Variants in WDR35 observed in about 807,000 individuals in gnomAD.
WDR35 encodes the protein WD repeat-containing protein 35.
A neutral mutation model predicts 158.3 loss-of-function variants in WDR35; 118 were observed. The observed-to-expected ratio is 0.75, with a 90% CI of 0.64 to 0.87. WDR35 has a LOEUF of 0.87. WDR35 is among the 40% of genes least tolerant of loss of function. The pLI is 0.00. For missense variants in WDR35, 1,263 were observed against 1,405.8 expected (o/e 0.90, Z 1.62); for synonymous variants, 448 against 476.1 (o/e 0.94, Z 0.77).
chr2:19,963,317 T>A (rs893421385), intron 10 of WDR35, among the ~76,000 whole-genome samples: 1 of 152,216 alleles, frequency 6.6e-6, no homozygotes, highest in African/African-American at 2.4e-5. Context: ...ATCAAGTGTA[T>A]CATGATTTAT....
chr2:19,917,164 G>A (rs1670015851), intron 25 of WDR35, among the ~76,000 whole-genome samples: 1 of 152,088 alleles, frequency 6.6e-6, no homozygotes, highest in Admixed American at 6.5e-5. Flanking sequence ...ACTGTTAGAA[G>A]GAAAACTAAC....
At position 19,966,709 on chromosome 2, in the gene WDR35, T is replaced by C. The variant is rs200922242; in HGVS notation, c.1194+15A>G. On this transcript the variant is annotated intron_variant, in intron 10 of 26. Coordinates refer to ENST00000281405, the MANE Select transcript of WDR35 (RefSeq NM_020779.4). ...GTTAGCCCAGCTATGTCTTAAGATATCAAGAAACACCTACCTGAGGATGAT... is the reference window on the plus strand; with the variant it reads ...GTTAGCCCAGCTATGTCTTAAGATACCAAGAAACACCTACCTGAGGATGAT... 3 of 1,613,016 alleles carry C rather than the reference T, an allele frequency of 1.9e-6. No homozygotes were observed. Among genetic ancestry groups the C allele is most frequent in the East Asian group, 2.2e-5 (1 of 44,808 alleles).
intron 12 of WDR35, chr2:19,951,973 A>G (rs547354453): frequency 1.3e-5 from 2 of 154,636 alleles, no homozygotes; most frequent in Admixed American, 1.3e-4. Context: ...AAGGGGTATC[A>G]CTTTTGGACA....
At position 19,913,426 on chromosome 2, in the gene WDR35, A is replaced by C; in HGVS notation, c.*132T>G. On this transcript the variant is annotated 3_prime_UTR_variant, in exon 27 of 27. Transcript: ENST00000281405. ...TATTTTATTAACATATATTTTGTGC[A>C]AAAATTCAACTATAAATAATGAGGC... The C allele has an allele frequency of 1.6e-6, 2 of 1,217,948 alleles. No individual in the cohort carries two copies. Among genetic ancestry groups the C allele is most frequent in the Non-Finnish European group, 1.1e-6 (1 of 876,562 alleles). 75.4% of individuals were successfully genotyped at this position (1,217,948 alleles called of 1,614,324 possible).
At chr2:19,970,048 C>T (rs1671990090) in intron 8 of WDR35, among the ~76,000 whole-genome samples, 2 of 152,006 alleles carry the variant, frequency 1.3e-5, no homozygotes, top group Admixed American at 6.5e-5. Flanking sequence ...CACCCAGCCA[C>T]GTTTCTTGAA....
chr2:19,952,224 TAC>T (rs1484608213), intron 12 of WDR35, among the ~76,000 whole-genome samples: 2 of 152,326 alleles, frequency 1.3e-5, no homozygotes, highest in East Asian at 3.9e-4. Context: ...TGTCCATGTG[TAC>T]ACATTATTTA....
In WDR35 at chr2:19,937,727, C is replaced by T. The variant is rs762344853; in HGVS notation, c.2267+16G>A. ...CTGATAGAGTACTCAGGGATGCCTGCGCCTTCATAACTTACCTTCTGTCCA... is the reference window on the plus strand; with the variant it reads ...CTGATAGAGTACTCAGGGATGCCTGTGCCTTCATAACTTACCTTCTGTCCA... On this transcript the variant is annotated intron_variant, in intron 19 of 26. Coordinates refer to ENST00000281405, the MANE Select transcript of WDR35 (RefSeq NM_020779.4). 5 of 1,613,904 alleles carry T rather than the reference C, an allele frequency of 3.1e-6. No individual in the cohort carries two copies. The highest frequency in any genetic ancestry group is 1.3e-5 in the African/African-American group (1 of 74,912).
At chr2:19,953,362 A>C (rs1671311710) in intron 12 of WDR35, among the ~76,000 whole-genome samples, 1 of 152,156 alleles carries the variant, frequency 6.6e-6, no homozygotes, top group African/African-American at 2.4e-5. Context: ...GGCAAGAAAA[A>C]GAAGCTAAGT....
intron 14 of WDR35, 45 bp downstream of exon 14, chr2:19,948,119 A>G: frequency 6.8e-7 from 1 of 1,477,090 alleles, no homozygotes; most frequent in Non-Finnish European, 9.2e-7. Flanking sequence ...TATTTTTATA[A>G]TTTAAAGAAT....
At chr2:19,946,146 T>C in intron 15 of WDR35, 150 bp from the exon 16 acceptor site, 1 of 903,334 alleles carries the variant, frequency 1.1e-6, no homozygotes, top group South Asian at 1.7e-5. Flanking sequence ...GTTAAATAAA[T>C]TTGATACAAG....
In WDR35 at chr2:19,914,289, A is replaced by C; in HGVS notation, c.3122-12T>G. The stretch of plus-strand genomic sequence containing the variant: ...TTTCAGGTGAAGAGCTAAGAAAAAC[A>C]GGGCAATTGGGGTTTTTTAAAATAA... On this transcript the variant is annotated splice_polypyrimidine_tract_variant and intron_variant, in intron 25 of 26. Coordinates refer to ENST00000281405, the MANE Select transcript of WDR35 (RefSeq NM_020779.4). 6.2e-7 allele frequency: 1 copy of C among 1,614,022 alleles called. No homozygotes were observed. The highest frequency in any genetic ancestry group is 8.5e-7 in the Non-Finnish European group (1 of 1,179,946).
rs1463862511 is a variant in WDR35 at position 19,952,810 on chromosome 2, AC to A, written c.1400+1023del. 3.9e-5 allele frequency among the ~76,000 whole-genome samples: 4 copies of A among 101,786 alleles called. No individual in the cohort carries two copies. The Admixed American group carries it at 5.6e-4, about 14-fold the overall frequency. 66.8% of individuals were successfully genotyped at this position (101,786 alleles called of 152,430 possible). ...TTTTTTTTTTTTTTTTTTTTTTGAG[AC>A]GGAGTCTCGCTCTGTCGCCCAGGCT... On this transcript the variant is annotated intron_variant, in intron 12 of 26. Coordinates refer to ENST00000281405, the MANE Select transcript of WDR35 (RefSeq NM_020779.4).
intron 25 of WDR35, among the ~76,000 whole-genome samples, chr2:19,914,860 T>C (rs1279939369): frequency 6.6e-6 from 1 of 152,072 alleles, no homozygotes; most frequent in African/African-American, 2.4e-5. Flanking sequence ...ACAATTCAAG[T>C]TACAACATCT....
chr2:19,973,022 C>T (rs953718981), intron 8 of WDR35, among the ~76,000 whole-genome samples: 3 of 151,996 alleles, frequency 2.0e-5, no homozygotes, highest in Admixed American at 6.6e-5. Context: ...GGATAATACT[C>T]ATATGTACAT....
chr2:19,925,222 G>A (rs562076840), intron 25 of WDR35, among the ~76,000 whole-genome samples: 237 of 152,276 alleles, frequency 1.6e-3, no homozygotes, highest in Non-Finnish European at 2.9e-3. Flanking sequence ...AGTTTAAAAG[G>A]GGTATAAATA....
chr2:19,957,418 T>C (rs1038333800), intron 11 of WDR35, among the ~76,000 whole-genome samples: 20 of 152,130 alleles, frequency 1.3e-4, no homozygotes, highest in African/African-American at 4.3e-4. Context: ...ACTAAGCTTC[T>C]AGGAAAAGCA....
rs112283749 is a variant in WDR35, at chr2:19,919,151, C to T, written c.3122-4874G>A. Among the ~76,000 whole-genome samples the T allele has an allele frequency of 6.8e-4, 104 of 152,044 alleles. 1 individual carries two copies. The South Asian group carries it at 7.5e-3, about 11-fold the overall frequency. ...ATTCCAGCACTTTCGGAGGCCAAGG[C>T]GGGTGGGTCACGAGGTCAGGAGATT... On this transcript the variant is annotated intron_variant, in intron 25 of 26. Transcript: ENST00000281405.
intron 25 of WDR35, among the ~76,000 whole-genome samples, chr2:19,917,952 A>G (rs1332221744): frequency 1.3e-5 from 2 of 152,208 alleles, no homozygotes; most frequent in Non-Finnish European, 2.9e-5. Context: ...AGATTCACCA[A>G]GGTTGAAATG....
At chr2:19,969,190 A>G (rs1362490622) in intron 9 of WDR35, among the ~76,000 whole-genome samples, 1 of 152,178 alleles carries the variant, frequency 6.6e-6, no homozygotes, top group Non-Finnish European at 1.5e-5. Flanking sequence ...ACTTTTTATC[A>G]TCCCTTACTG....
Sources: allele counts gnomAD v4.1 joint callset (sites outside exome capture counted in the v4.1 genomes callset), GRCh38; gene constraint gnomAD v4.1.1; transcripts MANE v1.5; gene names NCBI Gene and HGNC (gene_info 2026-07-23, HGNC 2026-07-21).